DNMT1: variants seen among roughly 807,000 people sequenced by gnomAD.
The protein encoded by DNMT1 is DNA methyltransferase 1.
Under a neutral mutation model 205.3 loss-of-function variants are expected in DNMT1, and 24 were observed. That is an observed-to-expected ratio of 0.12 (90% CI 0.08 to 0.16). The LOEUF (loss-of-function observed/expected upper bound fraction) is 0.16. Among genes scored for constraint, DNMT1 ranks in the 10% least tolerant of loss-of-function variants. The probability of loss-of-function intolerance (pLI) is 1.00; values close to 1 mark genes in which losing one functional copy is unlikely to be tolerated. For synonymous variants in DNMT1, 817 were observed against 839.8 expected, an observed-to-expected ratio of 0.97 and a Z score of 0.47; for missense variants, 1,293 against 2,177.7, an observed-to-expected ratio of 0.59 and a Z score of 8.09.
At chr19:10,171,145 A>T (rs1030405278) in intron 9 of DNMT1, among the ~76,000 whole-genome samples, 3 of 152,152 alleles carry the variant, frequency 2.0e-5, no homozygotes, top group African/African-American at 7.2e-5. Context: ...AAACAGAAAA[A>T]AAAACAGGAC....
In DNMT1 at chr19:10,159,575, A is replaced by T. The variant is rs1346943655; in HGVS notation, c.1280+83T>A. The T allele has an allele frequency of 1.7e-5, 24 of 1,387,648 alleles. No individual in the cohort carries two copies. The highest frequency in any genetic ancestry group is 2.1e-5 in the Non-Finnish European group (21 of 984,522). The allele number at this position is 1,387,648 out of a possible 1,614,324, so 86.0% of individuals were successfully genotyped here. On this transcript the variant is annotated intron_variant, in intron 17 of 40. Transcript: ENST00000359526. This position sits in a 1 kb window ranked among gnomAD's most constrained non-coding sequence, Gnocchi z 5.0. ...TGTTGCAGGTCAGGCACTAAAAAACATCACCAGAATCGTGAGCCCGCAGGC... is the reference window on the plus strand; with the variant it reads ...TGTTGCAGGTCAGGCACTAAAAAACTTCACCAGAATCGTGAGCCCGCAGGC...
intron 5 of DNMT1, 57 bp from the exon 6 acceptor site, chr19:10,177,424 GC>G: frequency 1.3e-6 from 2 of 1,534,470 alleles, no homozygotes; most frequent in African/African-American, 2.8e-5. Flanking sequence ...TCAATAGAAA[GC>G]CCACAGCAAT....
chr19:10,145,616 T>C (rs2038181380), intron 28 of DNMT1, among the ~76,000 whole-genome samples: 1 of 152,196 alleles, frequency 6.6e-6, no homozygotes, highest in Non-Finnish European at 1.5e-5. Context: ...TGATTCCCTC[T>C]AACCAAGAAG....
chr19:10,137,816 G>A lies in DNMT1; in HGVS notation c.4293+16C>T, dbSNP rs2089521654. On this transcript the variant is annotated intron_variant, in intron 36 of 40. Coordinates refer to ENST00000359526, the MANE Select transcript of DNMT1 (RefSeq NM_001130823.3). This position sits in a 1 kb window ranked among gnomAD's most constrained non-coding sequence, Gnocchi z 6.4. ...CTGGGCCTCGAGGAGGAGCCGCTCT[G>A]TCAGGGTGCCATTACCTTACAGATG... 3 of 1,611,362 alleles carry A rather than the reference G, an allele frequency of 1.9e-6. No homozygotes were observed. Among genetic ancestry groups the A allele is most frequent in the Non-Finnish European group, 2.5e-6 (3 of 1,179,268 alleles).
At position 10,137,171 on chromosome 19, in the gene DNMT1, G is replaced by A; in HGVS notation, c.4403C>T (p.Ala1468Val). The A allele has an allele frequency of 6.2e-7, 1 of 1,609,972 alleles. No individual in the cohort carries two copies. The highest frequency in any genetic ancestry group is 8.5e-7 in the Non-Finnish European group (1 of 1,178,852). ...ATGGTGGGTATACCGCAGCTTCCTG[G>A]CCATGGTGCCGTCTGAGAGCCGCAC... ...IEVRLSDGTM[A>V]RKLRYTHHDR... The change falls in exon 37 of 41, where the codon GCC (alanine) becomes GTC (valine). Residue 1468 changes from alanine to valine, a missense_variant. Around this residue, in one of 13 missense-constraint regions of DNMT1, gnomAD observed 148 missense variants for 256.1 expected, o/e 0.58. Coordinates refer to ENST00000359526, the MANE Select transcript of DNMT1 (RefSeq NM_001130823.3). The surrounding 1 kb of genome is among the most constrained non-coding windows in gnomAD (Gnocchi z 6.4).
intron 5 of DNMT1, among the ~76,000 whole-genome samples, chr19:10,179,453 C>T (rs1014474555): frequency 1.2e-4 from 18 of 151,914 alleles, no homozygotes; most frequent in African/African-American, 3.1e-4. Flanking sequence ...AGGGTGGTCT[C>T]GAACTCCTGA....
intron 27 of DNMT1, among the ~76,000 whole-genome samples, chr19:10,147,208 G>A (rs1235447759): frequency 2.0e-5 from 3 of 152,278 alleles, no homozygotes; most frequent in South Asian, 4.1e-4. Flanking sequence ...GCTACAGTGA[G>A]CTGTGACCAC....
chr19:10,177,263 A>C, intron 6 of DNMT1, 29 bp downstream of exon 6: 1 of 1,610,108 alleles, frequency 6.2e-7, no homozygotes, highest in South Asian at 1.1e-5. Context: ...CCCCTAAAAA[A>C]GGCAGCCGCC....
Position 10,154,320 on chromosome 19 carries a change from A to C in DNMT1, c.1992T>G (p.Phe664Leu), listed in dbSNP as rs766722875. ...KDDREDKENA[F>L]KRRRCGVCEV... Reference sequence around the variant, plus strand: ...CACAGACGCCACATCGCCGGCGCTTAAAGGCGTTCTCCTTGTCTTCTCTGT... The same window carrying C: ...CACAGACGCCACATCGCCGGCGCTTCAAGGCGTTCTCCTTGTCTTCTCTGT... The change falls in exon 22 of 41, where the codon TTT becomes TTG. Residue 664 changes from phenylalanine (F) to leucine (L), a missense_variant. Coordinates refer to ENST00000359526, the MANE Select transcript of DNMT1 (RefSeq NM_001130823.3). This position sits in a 1 kb window ranked among gnomAD's most constrained non-coding sequence, Gnocchi z 6.3. The C allele has an allele frequency of 1.2e-6, 2 of 1,614,220 alleles. No homozygotes were observed. Among genetic ancestry groups the C allele is most frequent in the Non-Finnish European group, 1.7e-6 (2 of 1,180,030 alleles).
chr19:10,150,924 T>C (rs199904043), intron 24 of DNMT1, among the ~76,000 whole-genome samples: 2 of 152,090 alleles, frequency 1.3e-5, no homozygotes, highest in African/African-American at 2.4e-5. Context: ...AAACCCCGTC[T>C]CTACTAAAAA....
chr19:10,152,825 T>C (rs138409766), intron 22 of DNMT1, among the ~76,000 whole-genome samples: 4 of 151,214 alleles, frequency 2.6e-5, no homozygotes, highest in African/African-American at 9.7e-5. Flanking sequence ...TTTGGCTGGG[T>C]GCAGTGCCTC....
At chr19:10,181,264 A>T (rs1467637453) in intron 2 of DNMT1, among the ~76,000 whole-genome samples, 2 of 152,156 alleles carry the variant, frequency 1.3e-5, no homozygotes, top group South Asian at 4.1e-4. Flanking sequence ...CTGGGGCAAC[A>T]TGACAAAATC....
At chr19:10,186,972 G>A (rs753206212) in intron 1 of DNMT1, among the ~76,000 whole-genome samples, 1 of 151,968 alleles carries the variant, frequency 6.6e-6, no homozygotes, top group Admixed American at 6.6e-5. Flanking sequence ...TGTGTGAACC[G>A]GGCACAGGAA....
intron 8 of DNMT1, among the ~76,000 whole-genome samples, chr19:10,173,403 A>G (rs1215074256): frequency 6.6e-6 from 1 of 152,128 alleles, no homozygotes; most frequent in Non-Finnish European, 1.5e-5. Flanking sequence ...TTCTACTTGA[A>G]TCTAAACGCT....
intron 39 of DNMT1, 79 bp from the exon 40 acceptor site, chr19:10,134,386 G>A: frequency 1.5e-6 from 2 of 1,374,032 alleles, no homozygotes; most frequent in East Asian, 4.7e-5. Context: ...GCCAGCCCCT[G>A]CTCAGATGGA....
chr19:10,191,880 C>T (rs557811215), intron 1 of DNMT1, among the ~76,000 whole-genome samples: 1 of 151,884 alleles, frequency 6.6e-6, no homozygotes, highest in Non-Finnish European at 1.5e-5. Flanking sequence ...CTCCTGTTGC[C>T]CAGGCTGGAG....
chr19:10,138,338 C>T lies in DNMT1; in HGVS notation c.4115+101G>A. On this transcript the variant is annotated intron_variant, in intron 35 of 40. Transcript: ENST00000359526. This position sits in a 1 kb window ranked among gnomAD's most constrained non-coding sequence, Gnocchi z 4.1. ...ACCGTGTGGCAGGGCAGATGCTGTA[C>T]CATCCTCTCCTCCCCAAGCCTCACC... 1 of 1,569,570 alleles carries T rather than the reference C, an allele frequency of 6.4e-7. No homozygotes were observed. Among genetic ancestry groups the T allele is most frequent in the African/African-American group, 1.3e-5 (1 of 74,292 alleles).
chr19:10,141,902 C>G, intron 30 of DNMT1, 126 bp downstream of exon 30: 1 of 1,181,926 alleles, frequency 8.5e-7, no homozygotes, highest in East Asian at 2.6e-5. Context: ...TTCACGTCAG[C>G]CAACCACCCA....
At chr19:10,172,405 CAAA>C (rs34495234) in intron 9 of DNMT1, among the ~76,000 whole-genome samples, 4 of 76,412 alleles carry the variant, frequency 5.2e-5, no homozygotes, top group Non-Finnish European at 8.4e-5. Context: ...GACTCCATCT[CAAA>C]AAAAAAAAAA....
Sources: gnomAD v4.1 joint callset for allele counts (sites outside exome capture counted in the v4.1 genomes callset) on GRCh38, gnomAD v4.1.1 for gene constraint, gnomAD v4.1.1 regional missense constraint, Gnocchi (gnomAD v3.1) non-coding constraint, MANE v1.5 for transcripts, NCBI Gene and HGNC (gene_info 2026-07-23, HGNC 2026-07-21) for gene names.